Variants in ERC1 observed in about 807,000 individuals in gnomAD.
The protein encoded by ERC1 is ELKS/RAB6-interacting/CAST family member 1.
ERC1 carries 56 observed loss-of-function variants against 132.0 expected under a neutral mutation model. The ratio of observed to expected loss-of-function variants is 0.42; its 90% CI spans 0.34 to 0.53. The LOEUF is 0.53. Ranked by LOEUF, ERC1 falls within the 20% of genes least tolerant of loss-of-function variation. The pLI, the probability that ERC1 is intolerant of heterozygous loss-of-function variation, is 0.03. For missense variants in ERC1, 1,202 were observed against 1,349.9 expected (o/e 0.89, Z 1.72); for synonymous variants, 478 against 476.1 (o/e 1.00, Z -0.05).
chr12:1,206,391 T>C (rs1957353435), intron 12 of ERC1, among the ~76,000 whole-genome samples: 1 of 152,104 alleles, frequency 6.6e-6, no homozygotes, highest in African/African-American at 2.4e-5. Context: ...GTGTTAATAG[T>C]GATGCTTAGC....
intron 18 of ERC1, among the ~76,000 whole-genome samples, chr12:1,476,772 G>A (rs1565514236): frequency 6.6e-6 from 1 of 152,180 alleles, no homozygotes; most frequent in Non-Finnish European, 1.5e-5. Flanking sequence ...GGAATTTTAA[G>A]TAGAAAATCA....
intron 15 of ERC1, among the ~76,000 whole-genome samples, chr12:1,318,122 A>G (rs913790029): frequency 6.6e-6 from 1 of 152,206 alleles, no homozygotes; most frequent in Admixed American, 6.5e-5. Context: ...ATCTATTTTA[A>G]GATTTGTTTA....
intron 3 of ERC1, among the ~76,000 whole-genome samples, chr12:1,093,220 A>G (rs11833633): frequency 0.032 from 4,891 of 152,306 alleles, 152 homozygotes; most frequent in African/African-American, 0.074. Flanking sequence ...GCCGAGAGGT[A>G]AAAAGTAAGA....
At chr12:1,285,675 C>G (rs1359209271) in intron 14 of ERC1, among the ~76,000 whole-genome samples, 1 of 152,138 alleles carries the variant, frequency 6.6e-6, no homozygotes, top group African/African-American at 2.4e-5. Context: ...CTACAAATTT[C>G]AAGCCCAGAG....
At chr12:1,205,332 C>T (rs1321797593) in intron 12 of ERC1, among the ~76,000 whole-genome samples, 1 of 151,136 alleles carries the variant, frequency 6.6e-6, no homozygotes, top group African/African-American at 2.4e-5. Context: ...TGTGTTTTAC[C>T]TAGCAGCTGC....
chr12:1,376,144 C>T (rs2087887236), intron 16 of ERC1, among the ~76,000 whole-genome samples: 3 of 152,140 alleles, frequency 2.0e-5, no homozygotes, highest in South Asian at 2.1e-4. Context: ...TGAGGAAGAA[C>T]GTATTTCTCA....
intron 15 of ERC1, among the ~76,000 whole-genome samples, chr12:1,303,269 G>A (rs975871808): frequency 1.3e-5 from 2 of 152,182 alleles, no homozygotes; most frequent in African/African-American, 4.8e-5. Flanking sequence ...TCTGAAGCAT[G>A]GGATGCTGTT....
intron 2 of ERC1, among the ~76,000 whole-genome samples, chr12:1,060,870 T>G (rs1937703299): frequency 6.6e-6 from 1 of 151,324 alleles, no homozygotes; most frequent in Non-Finnish European, 1.5e-5. Flanking sequence ...GGACTACAGG[T>G]GCCCACCACC....
At chr12:1,486,510 C>T (rs1158147580) in intron 18 of ERC1, among the ~76,000 whole-genome samples, 1 of 152,046 alleles carries the variant, frequency 6.6e-6, no homozygotes, top group Non-Finnish European at 1.5e-5. Context: ...CTGCAACCTC[C>T]GCCTCCCAGT....
chr12:1,293,192 T>C lies in ERC1; in HGVS notation c.2780+3180T>C, dbSNP rs1252788087. ...AGGCATGGCTGGGCACGGTGGCTCA[T>C]GCCTATAATCCCAGCACTTTGGGAG... On this transcript the variant is annotated intron_variant, in intron 15 of 18. Transcript: ENST00000360905. Among the ~76,000 whole-genome samples the C allele has an allele frequency of 6.5e-5, 9 of 138,700 alleles. No individual in the cohort carries two copies. In the South Asian group the frequency reaches 7.0e-4, roughly 11 times the overall value. 91.0% of individuals were successfully genotyped at this position (138,700 alleles called of 152,430 possible).
intron 7 of ERC1, among the ~76,000 whole-genome samples, chr12:1,136,390 G>A (rs2154244304): frequency 6.6e-6 from 1 of 152,230 alleles, no homozygotes; most frequent in African/African-American, 2.4e-5. Context: ...AGCAATCTGA[G>A]TGCTTCTTTT....
At chr12:1,176,553 C>G (rs575032229) in intron 8 of ERC1, among the ~76,000 whole-genome samples, 1 of 152,022 alleles carries the variant, frequency 6.6e-6, no homozygotes, top group Admixed American at 6.6e-5. Flanking sequence ...TTCTTTGAAG[C>G]TTTGTTTTCT....
At chr12:1,243,412 T>C (rs1191744924) in intron 13 of ERC1, among the ~76,000 whole-genome samples, 1 of 151,554 alleles carries the variant, frequency 6.6e-6, no homozygotes, top group Non-Finnish European at 1.5e-5. Flanking sequence ...AGGTGCTATG[T>C]AGGGATGTAA....
At chr12:1,319,983 A>G (rs527610009) in intron 15 of ERC1, among the ~76,000 whole-genome samples, 24 of 152,234 alleles carry the variant, frequency 1.6e-4, no homozygotes, top group African/African-American at 5.8e-4. Flanking sequence ...TTGTTCTGCA[A>G]TTTATATTTC....
intron 8 of ERC1, among the ~76,000 whole-genome samples, chr12:1,179,700 G>C (rs1330659517): frequency 1.3e-5 from 2 of 151,792 alleles, no homozygotes; most frequent in Middle Eastern, 3.4e-3. Flanking sequence ...GTAGAGACGG[G>C]GTTTCACCGT....
chr12:1,263,280 C>G, intron 14 of ERC1, 115 bp downstream of exon 14: 1 of 981,772 alleles, frequency 1.0e-6, no homozygotes. Context: ...TTCAAAAACA[C>G]TTCATAGAGG....
At chr12:1,377,796 C>G (rs182778258) in intron 16 of ERC1, among the ~76,000 whole-genome samples, 1 of 152,144 alleles carries the variant, frequency 6.6e-6, no homozygotes, top group Non-Finnish European at 1.5e-5. Context: ...ATCACTCTAG[C>G]CACTTGGAAC....
chr12:1,392,108 G>A (rs1009712560), intron 16 of ERC1, among the ~76,000 whole-genome samples: 4 of 152,158 alleles, frequency 2.6e-5, no homozygotes, highest in African/African-American at 7.2e-5. Context: ...GGCAGAGATT[G>A]GGCTCAACTC....
chr12:1,045,319 G>A (rs985402823), intron 2 of ERC1, among the ~76,000 whole-genome samples: 1 of 152,122 alleles, frequency 6.6e-6, no homozygotes. Context: ...ATCATTTGCT[G>A]TTGTATCCTT....
Sources: allele counts gnomAD v4.1 joint callset (sites outside exome capture counted in the v4.1 genomes callset), GRCh38; gene constraint gnomAD v4.1.1; transcripts MANE v1.5; gene names NCBI Gene and HGNC (gene_info 2026-07-23, HGNC 2026-07-21).